WDFY4: variants seen among roughly 807,000 people sequenced by gnomAD.
WDFY4 encodes WDFY family member 4.
In WDFY4, 169 loss-of-function variants were observed where a neutral mutation model predicts 351.9. That is an observed-to-expected ratio of 0.48 (90% CI 0.42 to 0.55). The LOEUF (loss-of-function observed/expected upper bound fraction) is 0.55. Among genes scored for constraint, WDFY4 ranks in the 20% least tolerant of loss-of-function variants. WDFY4 has a pLI of 0.00. For synonymous variants in WDFY4, 1,622 were observed against 1,574.6 expected, an observed-to-expected ratio of 1.03 and a Z score of -0.71; for missense variants, 3,803 against 3,935.6, an observed-to-expected ratio of 0.97 and a Z score of 0.90.
At chr10:48,942,705 C>T (rs1005719995) in intron 48 of WDFY4, among the ~76,000 whole-genome samples, 4 of 152,242 alleles carry the variant, frequency 2.6e-5, no homozygotes, top group African/African-American at 9.6e-5. Flanking sequence ...AGCCCCTGAA[C>T]ATACAGGCCA....
intron 2 of WDFY4, among the ~76,000 whole-genome samples, chr10:48,719,411 T>G (rs2064006852): frequency 1.3e-5 from 2 of 152,174 alleles, no homozygotes; most frequent in South Asian, 4.1e-4. Flanking sequence ...TTGCCGAGGG[T>G]GTAGAGAAAC....
intron 1 of WDFY4, among the ~76,000 whole-genome samples, chr10:48,704,441 G>C (rs2063567614): frequency 6.6e-6 from 1 of 152,124 alleles, no homozygotes; most frequent in African/African-American, 2.4e-5. Flanking sequence ...CGGCCGGCAG[G>C]GAGGAGTGGT....
intron 39 of WDFY4, among the ~76,000 whole-genome samples, chr10:48,834,271 GAA>G (rs574516702): frequency 6.7e-6 from 1 of 148,358 alleles, no homozygotes; most frequent in Non-Finnish European, 1.5e-5. Flanking sequence ...AGCTGAATCT[GAA>G]AAAAAAAAAG....
rs1275185036 is a variant in WDFY4, at chr10:48,709,873, G to T, written c.141G>T (p.Leu47=). The part of the protein sequence containing the change: ...SSSPTALWDM[L]ERKFLEYQQL... ...GCCCCACAGCTCTCTGGGACATGCT[G>T]GAAAGGAAGTTTCTGGAATACCAGC... The change falls in exon 2 of 62, where the codon CTG becomes CTT. Residue 47 remains leucine, a synonymous_variant. Coordinates refer to ENST00000325239, the MANE Select transcript of WDFY4 (RefSeq NM_001394531.1). 6.4e-7 allele frequency: 1 copy of T among 1,551,882 alleles called. No individual in the cohort carries two copies. The highest frequency in any genetic ancestry group is 8.7e-7 in the Non-Finnish European group (1 of 1,147,078).
At chr10:48,871,432 A>G (rs1480914749) in intron 40 of WDFY4, among the ~76,000 whole-genome samples, 1 of 151,486 alleles carries the variant, frequency 6.6e-6, no homozygotes, top group Non-Finnish European at 1.5e-5. Flanking sequence ...AAAGCTTTGG[A>G]TAGTCAGTTG....
intron 12 of WDFY4, among the ~76,000 whole-genome samples, chr10:48,752,322 G>A (rs997703993): frequency 3.3e-5 from 5 of 152,208 alleles, no homozygotes; most frequent in Non-Finnish European, 7.3e-5. Context: ...TTATGTGTAA[G>A]CACATTAAAG....
rs565649066 is a variant in WDFY4, at chr10:48,926,669, TA to T, written c.7587-15136del. Among the ~76,000 whole-genome samples, 258 of 152,356 alleles carry T rather than the reference TA, an allele frequency of 1.7e-3. 1 individual carries two copies. The highest frequency in any genetic ancestry group is 6.0e-3 in the African/African-American group (251 of 41,588). ...GATGTTCATTTTCATAGATGTACCA[TA>T]TATATGTGGGTATATTTCTAAATAT... is the stretch of plus-strand genomic sequence containing the variant. On this transcript the variant is annotated intron_variant, in intron 47 of 61. Coordinates refer to ENST00000325239, the MANE Select transcript of WDFY4 (RefSeq NM_001394531.1).
chr10:48,701,754 C>T (rs2063486491), intron 1 of WDFY4, among the ~76,000 whole-genome samples: 1 of 152,214 alleles, frequency 6.6e-6, no homozygotes, highest in African/African-American at 2.4e-5. Context: ...TATGGAACCA[C>T]TCTGAGGCTC....
intron 47 of WDFY4, among the ~76,000 whole-genome samples, chr10:48,912,931 A>C (rs1838138630): frequency 6.6e-6 from 1 of 152,226 alleles, no homozygotes; most frequent in African/African-American, 2.4e-5. Flanking sequence ...CCAAGTGCTC[A>C]TCTACTTTCT....
At chr10:48,842,307 C>T (rs577830914) in intron 39 of WDFY4, among the ~76,000 whole-genome samples, 36 of 151,948 alleles carry the variant, frequency 2.4e-4, no homozygotes, top group African/African-American at 8.2e-4. Context: ...CAGAGAAAGA[C>T]AGGCATCATC....
intron 28 of WDFY4, among the ~76,000 whole-genome samples, chr10:48,810,137 G>T (rs1007428568): frequency 2.0e-5 from 3 of 152,290 alleles, no homozygotes; most frequent in Non-Finnish European, 2.9e-5. Flanking sequence ...TTTAAAAAGG[G>T]AGGGGAATAT....
Position 48,978,510 on chromosome 10 carries a change from G to A in WDFY4, c.9376+117G>A. 4 of 950,178 alleles carry A rather than the reference G, an allele frequency of 4.2e-6. No individual in the cohort carries two copies. In the South Asian group the frequency reaches 7.3e-5, roughly 17 times the overall value. The allele number at this position is 950,178 out of a possible 1,614,324, so 58.9% of individuals were successfully genotyped here. ...TCCCAGGTCTGCCCAGCCTAGGGAGGCCTAGGAAGGCACAGAGAGGTTCAG... is the reference window on the plus strand; with the variant it reads ...TCCCAGGTCTGCCCAGCCTAGGGAGACCTAGGAAGGCACAGAGAGGTTCAG... On this transcript the variant is annotated intron_variant, in intron 60 of 61. Transcript: ENST00000325239.
At chr10:48,820,183 A>G in intron 32 of WDFY4, 51 bp from the exon 33 acceptor site, 1 of 1,541,146 alleles carries the variant, frequency 6.5e-7, no homozygotes, top group Non-Finnish European at 8.8e-7. Context: ...TTGGTGGGAA[A>G]GAGCTTGAGG....
At chr10:48,850,765 T>C (rs909121712) in intron 39 of WDFY4, among the ~76,000 whole-genome samples, 1 of 152,324 alleles carries the variant, frequency 6.6e-6, no homozygotes, top group East Asian at 1.9e-4. Context: ...ACATTGAGTG[T>C]TGCCACACAG....
chr10:48,855,674 G>T (rs2069108582), intron 39 of WDFY4, among the ~76,000 whole-genome samples: 1 of 151,920 alleles, frequency 6.6e-6, no homozygotes, highest in South Asian at 2.1e-4. Context: ...AATAATAATA[G>T]AAATAATAGA....
At position 48,787,786 on chromosome 10, in the gene WDFY4, T is replaced by TTCCTCC. The variant is rs771377133; in HGVS notation, c.3809-726_3809-721dup. On this transcript the variant is annotated intron_variant, in intron 20 of 61. Transcript: ENST00000325239. ...CCACAGTTTTCTTTTTTTCTTCCTC[T>TTCCTCC]TCCTCCTCCTCCTCCTCCTCCTCTT... is the stretch of plus-strand genomic sequence containing the variant. 3.2e-3 allele frequency among the ~76,000 whole-genome samples: 286 copies of TTCCTCC among 88,494 alleles called. 18 individuals carry two copies. Among genetic ancestry groups the TTCCTCC allele is most frequent in the African/African-American group, 8.2e-3 (184 of 22,500 alleles). The allele number at this position is 88,494 out of a possible 152,430, so 58.1% of individuals were successfully genotyped here.
intron 38 of WDFY4, 93 bp from the exon 39 acceptor site, chr10:48,832,480 T>A: frequency 7.3e-7 from 1 of 1,379,080 alleles, no homozygotes; most frequent in Non-Finnish European, 9.6e-7. Context: ...AGGGGGCTCA[T>A]GCCCCTGGCT....
chr10:48,963,174 G>A (rs371679139), intron 53 of WDFY4, among the ~76,000 whole-genome samples: 16 of 152,308 alleles, frequency 1.1e-4, no homozygotes, highest in East Asian at 3.9e-4. Flanking sequence ...ACCAAAAGGC[G>A]GTGTTCATGG....
chr10:48,805,172 C>T, intron 25 of WDFY4, 88 bp from the exon 26 acceptor site: 1 of 1,445,748 alleles, frequency 6.9e-7, no homozygotes, highest in South Asian at 1.4e-5. Context: ...TGGAACAAGC[C>T]TGGCTTGAAA....
Sources: allele counts gnomAD v4.1 joint callset (sites outside exome capture counted in the v4.1 genomes callset), GRCh38; gene constraint gnomAD v4.1.1; transcripts MANE v1.5; gene names NCBI Gene and HGNC (gene_info 2026-07-23, HGNC 2026-07-21).